The following ZFP91 variants were observed in gnomAD, a reference collection of about 807,000 sequenced individuals.
ZFP91 encodes the protein E3 ubiquitin-protein ligase ZFP91.
ZFP91 carries 7 observed loss-of-function variants against 63.5 expected under a neutral mutation model. The observed-to-expected ratio is 0.11, with a 90% CI of 0.06 to 0.21. ZFP91 has a LOEUF of 0.21. Among genes scored for constraint, ZFP91 ranks in the 10% least tolerant of loss-of-function variants. ZFP91 has a pLI of 1.00. For missense variants in ZFP91, 628 were observed against 736.6 expected (o/e 0.85, Z 1.71); for synonymous variants, 330 against 272.1 (o/e 1.21, Z -2.10).
In ZFP91 at chr11:58,579,154, G is replaced by C; in HGVS notation, c.-128G>C. On this transcript the variant is annotated 5_prime_UTR_variant, in exon 1 of 11. Coordinates refer to ENST00000316059, the MANE Select transcript of ZFP91 (RefSeq NM_053023.5). ...TCGGAGCCGGGCGGAGGGGAGGGGG[G>C]AAAGAGGAGCGCAGGGTGAGAGTGA... is the stretch of plus-strand genomic sequence containing the variant. The C allele has an allele frequency of 1.1e-5, 8 of 713,846 alleles. No homozygotes were observed. Among genetic ancestry groups the C allele is most frequent in the Non-Finnish European group, 1.5e-5 (8 of 518,692 alleles). 44.2% of individuals were successfully genotyped at this position (713,846 alleles called of 1,614,324 possible). A position where few individuals can be genotyped will look rare whatever the true frequency, so the allele number is the denominator to read the frequency against.
intron 4 of ZFP91, 133 bp downstream of exon 4, chr11:58,610,467 A>T (rs1034476929): frequency 2.6e-6 from 2 of 782,576 alleles, no homozygotes; most frequent in African/African-American, 1.8e-5. Context: ...TTGATACTGC[A>T]TTTAGATTCC....
intron 2 of ZFP91, among the ~76,000 whole-genome samples, chr11:58,588,090 A>G (rs1403837254): frequency 6.6e-6 from 1 of 152,184 alleles, no homozygotes; most frequent in Admixed American, 6.5e-5. Context: ...CCCTTTTTAA[A>G]GAGCATTTCG....
Position 58,579,687 on chromosome 11 carries a change from C to A in ZFP91, c.341+65C>A, listed in dbSNP as rs1054559129. ...CTGTCCGTACGCAACCCTCTCGGCT[C>A]CCGTAGCGCCTACTCCACGTGACAT... On this transcript the variant is annotated intron_variant, in intron 1 of 10. Transcript: ENST00000316059. 5 of 1,395,772 alleles carry A rather than the reference C, an allele frequency of 3.6e-6. No individual in the cohort carries two copies. In the African/African-American group the frequency reaches 6.0e-5, roughly 17 times the overall value. The allele number at this position is 1,395,772 out of a possible 1,614,324, so 86.5% of individuals were successfully genotyped here. A position where few individuals can be genotyped will look rare whatever the true frequency, so the allele number is the denominator to read the frequency against.
At position 58,621,329 on chromosome 11, in the gene ZFP91, T is replaced by C. The variant is rs1318919403; in HGVS notation, c.*3623T>C. Among the ~76,000 whole-genome samples the C allele has an allele frequency of 6.6e-6, 1 of 152,226 alleles. No individual in the cohort carries two copies. Among genetic ancestry groups the C allele is most frequent in the Non-Finnish European group, 1.5e-5 (1 of 68,032 alleles). On this transcript the variant is annotated 3_prime_UTR_variant, in exon 11 of 11. Transcript: ENST00000316059. ...CTAGTAGATGGAAAATTAAGGATTA[T>C]GTGAGGTTAATTTTACCCTGATAAT... is the stretch of plus-strand genomic sequence containing the variant.
intron 2 of ZFP91, among the ~76,000 whole-genome samples, chr11:58,608,191 G>T (rs940463961): frequency 6.6e-6 from 1 of 151,446 alleles, no homozygotes; most frequent in African/African-American, 2.4e-5. Flanking sequence ...ATATATTTGT[G>T]TGTATATATA....
At chr11:58,597,014 A>G (rs1405963714) in intron 2 of ZFP91, among the ~76,000 whole-genome samples, 2 of 152,182 alleles carry the variant, frequency 1.3e-5, no homozygotes, top group Non-Finnish European at 1.5e-5. Flanking sequence ...GACCACTTCA[A>G]CACCTTTGAT....
chr11:58,608,857 CCACT>C (rs1855611558), intron 2 of ZFP91, among the ~76,000 whole-genome samples: 1 of 152,130 alleles, frequency 6.6e-6, no homozygotes, highest in African/African-American at 2.4e-5. Flanking sequence ...CCCGCCTTGG[CCACT>C]CAAAGTGCTG....
rs1034418299 is a variant in ZFP91, at chr11:58,618,284, C to A, written c.*578C>A. The stretch of plus-strand genomic sequence containing the variant: ...CTCATCCCCTCTTCCTTTATTCCCC[C>A]CTGGGTTTCAGAAAGGAAGGATATA... On this transcript the variant is annotated 3_prime_UTR_variant, in exon 11 of 11. Transcript: ENST00000316059. 9 of 168,178 alleles carry A rather than the reference C, an allele frequency of 5.4e-5. No homozygotes were observed. The highest frequency in any genetic ancestry group is 1.2e-4 in the African/African-American group (5 of 41,578). 10.4% of individuals were successfully genotyped at this position (168,178 alleles called of 1,614,324 possible).
At chr11:58,616,933 T>A in intron 10 of ZFP91, 118 bp downstream of exon 10, 1 of 1,006,604 alleles carries the variant, frequency 9.9e-7, no homozygotes, top group Non-Finnish European at 1.5e-6. Context: ...AATAAATGAG[T>A]GGATATTGAT....
intron 9 of ZFP91, 116 bp from the exon 10 acceptor site, chr11:58,616,600 G>GA: frequency 1.4e-6 from 1 of 691,642 alleles, no homozygotes; most frequent in Non-Finnish European, 2.3e-6. Context: ...TTTATACATT[G>GA]AAAACAGCAT....
At chr11:58,581,334 A>G (rs1855112201) in intron 1 of ZFP91, among the ~76,000 whole-genome samples, 1 of 152,186 alleles carries the variant, frequency 6.6e-6, no homozygotes, top group Non-Finnish European at 1.5e-5. Flanking sequence ...AAGATAAGAT[A>G]ATTATGTCTA....
At chr11:58,580,479 T>C (rs1855094435) in intron 1 of ZFP91, among the ~76,000 whole-genome samples, 1 of 150,132 alleles carries the variant, frequency 6.7e-6, no homozygotes, top group Admixed American at 6.7e-5. Context: ...ACATTGACTA[T>C]TCAATTCATG....
rs535686378 is a variant in ZFP91, at chr11:58,610,000, A to G, written c.541A>G (p.Ile181Val). ...SRSKTGSLQLICKSEPNTDQL... is the reference protein window; with the variant it reads ...SRSKTGSLQLVCKSEPNTDQL... ...GTCCAAGACCGGTTCATTGCAGCTC[A>G]TTTGCAAGTCAGAACCAAATACAGA... is the stretch of plus-strand genomic sequence containing the variant. The change falls in exon 3 of 11, where the codon ATT (isoleucine) becomes GTT (valine). Residue 181 changes from isoleucine (I) to valine (V), a missense_variant. Transcript: ENST00000316059. 4 of 1,614,122 alleles carry G rather than the reference A, an allele frequency of 2.5e-6. No homozygotes were observed. The highest frequency in any genetic ancestry group is 4.5e-5 in the East Asian group (2 of 44,882).
chr11:58,610,207 T>C, intron 3 of ZFP91, 91 bp from the exon 4 acceptor site: 1 of 1,447,530 alleles, frequency 6.9e-7, no homozygotes, highest in South Asian at 1.2e-5. Flanking sequence ...AATTACCCCA[T>C]GCAGTAATTT....
intron 4 of ZFP91, among the ~76,000 whole-genome samples, 155 bp from the exon 5 acceptor site, chr11:58,610,795 A>T (rs1038115073): frequency 2.6e-5 from 4 of 152,218 alleles, no homozygotes; most frequent in Admixed American, 2.6e-4. Context: ...TCTTTGTGAT[A>T]AAACAGCTAG....
chr11:58,586,839 T>C (rs1036259909), intron 2 of ZFP91, among the ~76,000 whole-genome samples: 2 of 152,234 alleles, frequency 1.3e-5, no homozygotes, highest in Non-Finnish European at 2.9e-5. Flanking sequence ...CTCATGTTCA[T>C]TTCAGAAGTT....
At chr11:58,614,103 C>T in intron 8 of ZFP91, 126 bp from the exon 9 acceptor site, 1 of 526,782 alleles carries the variant, frequency 1.9e-6, no homozygotes, top group Non-Finnish European at 3.3e-6. Flanking sequence ...TATTATACTC[C>T]CTCACTATCC....
At chr11:58,600,522 G>A (rs996937806) in intron 2 of ZFP91, among the ~76,000 whole-genome samples, 3 of 151,958 alleles carry the variant, frequency 2.0e-5, no homozygotes, top group South Asian at 2.1e-4. Context: ...CTGGCCCTTC[G>A]AATTTGTATA....
chr11:58,614,186 C>A, intron 8 of ZFP91, 43 bp from the exon 9 acceptor site: 1 of 1,341,878 alleles, frequency 7.5e-7, no homozygotes, highest in South Asian at 1.4e-5. Context: ...TTCAGGAAGC[C>A]TTAATTTTTT....
Sources: gnomAD v4.1 joint callset for allele counts (sites outside exome capture counted in the v4.1 genomes callset) on GRCh38, gnomAD v4.1.1 for gene constraint, MANE v1.5 for transcripts, NCBI Gene and HGNC (gene_info 2026-07-23, HGNC 2026-07-21) for gene names.